CNTN4: variants seen among roughly 807,000 people sequenced by gnomAD.
CNTN4 encodes contactin 4.
In CNTN4, 77 loss-of-function variants were observed where a neutral mutation model predicts 122.5. The observed-to-expected ratio is 0.63, with a 90% confidence interval of 0.52 to 0.76. CNTN4 has a LOEUF of 0.76. Ranked by LOEUF, CNTN4 falls within the 30% of genes least tolerant of loss-of-function variation. The pLI is 0.00. For synonymous variants in CNTN4, 512 were observed against 447.0 expected, an observed-to-expected ratio of 1.15 and a Z score of -1.83; for missense variants, 1,256 against 1,259.1, an observed-to-expected ratio of 1.00 and a Z score of 0.04.
In CNTN4 at chr3:2,561,401, G is replaced by A. The variant is rs993048041; in HGVS notation, c.-88-10015G>A. On this transcript the variant is annotated intron_variant, in intron 3 of 24. Transcript: ENST00000418658. ...AAGTTTACTTCCCAGTACCCAGAAAGCATGGGAAAGAGCAGGGTTTCTGGG... is the reference window on the plus strand; with the variant it reads ...AAGTTTACTTCCCAGTACCCAGAAAACATGGGAAAGAGCAGGGTTTCTGGG... Among the ~76,000 whole-genome samples, 4 of 152,148 alleles carry A rather than the reference G, an allele frequency of 2.6e-5. No homozygotes were observed. The East Asian group carries it at 7.7e-4, about 29-fold the overall frequency.
At chr3:2,611,832 A>G (rs2081503924) in intron 4 of CNTN4, among the ~76,000 whole-genome samples, 1 of 152,172 alleles carries the variant, frequency 6.6e-6, no homozygotes, top group Non-Finnish European at 1.5e-5. Flanking sequence ...GCCCTGTGGC[A>G]TCTCTTATAC....
chr3:2,356,930 A>G (rs2044898393), intron 3 of CNTN4, among the ~76,000 whole-genome samples: 1 of 152,232 alleles, frequency 6.6e-6, no homozygotes, highest in Non-Finnish European at 1.5e-5. Context: ...ATACTGTTAA[A>G]GACTAGCACT....
At chr3:2,176,823 A>G (rs1163738791) in intron 2 of CNTN4, among the ~76,000 whole-genome samples, 1 of 152,238 alleles carries the variant, frequency 6.6e-6, no homozygotes, top group Non-Finnish European at 1.5e-5. Context: ...AAGTAATGCA[A>G]GAAATAAACA....
intron 2 of CNTN4, among the ~76,000 whole-genome samples, chr3:2,328,425 AAC>A (rs2043568533): frequency 6.6e-6 from 1 of 152,172 alleles, no homozygotes; most frequent in African/African-American, 2.4e-5. Context: ...AAAAATAAAA[AAC>A]ACAGTTTTCC....
intron 3 of CNTN4, among the ~76,000 whole-genome samples, chr3:2,357,315 T>A (rs192658923): frequency 6.6e-6 from 1 of 152,348 alleles, no homozygotes; most frequent in Admixed American, 6.5e-5. Flanking sequence ...TTAGGTGGGT[T>A]ACTTGCTTAA....
rs532507036 is a variant in CNTN4 at position 2,916,768 on chromosome 3, T to C, written c.1208-8861T>C. ...GGCAGAGGGGCTCCTCACTTCCCAG[T>C]AGGGGCGGCCGGGCAGAGGGGCCCC... On this transcript the variant is annotated intron_variant, in intron 12 of 24. Coordinates refer to ENST00000418658, the MANE Select transcript of CNTN4 (RefSeq NM_175607.3). Among the ~76,000 whole-genome samples, 9 of 142,108 alleles carry C rather than the reference T, an allele frequency of 6.3e-5. 1 individual carries two copies. Among genetic ancestry groups the C allele is most frequent in the East Asian group, 4.0e-4 (2 of 4,958 alleles). The allele number at this position is 142,108 out of a possible 152,430, so 93.2% of individuals were successfully genotyped here.
At position 2,401,718 on chromosome 3, in the gene CNTN4, G is replaced by A. The variant is rs115713364; in HGVS notation, c.-89+62485G>A. Among the ~76,000 whole-genome samples the A allele has an allele frequency of 4.9e-3, 740 of 152,162 alleles. 4 individuals are homozygous for A. The highest frequency in any genetic ancestry group is 0.017 in the African/African-American group (716 of 41,520). On this transcript the variant is annotated intron_variant, in intron 3 of 24. Transcript: ENST00000418658. ...GTTTGAAGTTTTCATCAGGGATTCC[G>A]AATCTGTTGTTTCTATAGCTAATAA...
chr3:2,156,476 C>T (rs1372142022), intron 2 of CNTN4, among the ~76,000 whole-genome samples: 1 of 152,210 alleles, frequency 6.6e-6, no homozygotes. Context: ...GATCGGATTC[C>T]TGTCCACTCC....
intron 6 of CNTN4, among the ~76,000 whole-genome samples, chr3:2,767,178 T>G (rs2090899937): frequency 6.6e-6 from 1 of 152,228 alleles, no homozygotes; most frequent in Admixed American, 6.5e-5. Context: ...AAAGGCAACC[T>G]TGAAAGTCTT....
At chr3:2,957,536 G>A (rs185490108) in intron 13 of CNTN4, among the ~76,000 whole-genome samples, 35 of 152,104 alleles carry the variant, frequency 2.3e-4, no homozygotes, top group Admixed American at 1.5e-3. Flanking sequence ...AGATGACCCC[G>A]TCACGCATGT....
At chr3:2,843,847 A>C (rs1016462911) in intron 7 of CNTN4, among the ~76,000 whole-genome samples, 1 of 152,190 alleles carries the variant, frequency 6.6e-6, no homozygotes, top group Non-Finnish European at 1.5e-5. Flanking sequence ...TCTTCATAGC[A>C]ATACAGGAAA....
At chr3:2,881,489 G>T (rs2093909314) in intron 8 of CNTN4, among the ~76,000 whole-genome samples, 2 of 151,282 alleles carry the variant, frequency 1.3e-5, no homozygotes, top group South Asian at 4.2e-4. Context: ...CTCCAGCCTG[G>T]GCGACAGAGC....
At chr3:2,212,624 T>C (rs1429552584) in intron 2 of CNTN4, among the ~76,000 whole-genome samples, 3 of 152,212 alleles carry the variant, frequency 2.0e-5, no homozygotes, top group African/African-American at 7.2e-5. Flanking sequence ...ATGAGGCTTA[T>C]TACAATTCAA....
chr3:2,547,353 C>T lies in CNTN4; in HGVS notation c.-88-24063C>T, dbSNP rs111411003. 7.5e-3 allele frequency among the ~76,000 whole-genome samples: 1,142 copies of T among 151,698 alleles called. 5 individuals are homozygous for T. Among genetic ancestry groups the T allele is most frequent in the Non-Finnish European group, 0.012 (830 of 67,944 alleles). ...ATCTCTGCACACTGCAACCTCTGTC[C>T]CCTGCATTCAAGCGATTCTTTGGCC... On this transcript the variant is annotated intron_variant, in intron 3 of 24. Transcript: ENST00000418658.
chr3:2,618,716 A>G (rs1428082079), intron 4 of CNTN4, among the ~76,000 whole-genome samples: 1 of 152,166 alleles, frequency 6.6e-6, no homozygotes, highest in Non-Finnish European at 1.5e-5. Flanking sequence ...TTGATTATCA[A>G]TATTGTTCAT....
intron 3 of CNTN4, among the ~76,000 whole-genome samples, chr3:2,513,784 G>A (rs181642531): frequency 3.2e-4 from 49 of 152,108 alleles, no homozygotes; most frequent in Non-Finnish European, 6.5e-4. Flanking sequence ...TAATCTGCAG[G>A]AAAGTGGATT....
At position 2,925,746 on chromosome 3, in the gene CNTN4, A is replaced by T. The variant is rs147696695; in HGVS notation, c.1325A>T (p.Lys442Met). The change falls in exon 13 of 25, where the codon AAG becomes ATG. Residue 442 changes from lysine to methionine, a missense_variant. By Grantham distance (95) the Lys-to-Met change is moderately conservative. Coordinates refer to ENST00000418658, the MANE Select transcript of CNTN4 (RefSeq NM_175607.3). ...TCTCCAAAACCTGTTTACACCTGGA[A>T]GAAAGGAAGGGATATATTAAAAGAA... ...KASPKPVYTW[K>M]KGRDILKENE... 1.5e-5 allele frequency: 24 copies of T among 1,613,874 alleles called. No homozygotes were observed. The East Asian group carries it at 5.3e-4, about 36-fold the overall frequency.
chr3:2,263,746 T>G (rs1001124220), intron 2 of CNTN4, among the ~76,000 whole-genome samples: 5 of 151,072 alleles, frequency 3.3e-5, no homozygotes, highest in African/African-American at 1.2e-4. Flanking sequence ...CTGACTATAT[T>G]TTTGTGCCCT....
intron 4 of CNTN4, among the ~76,000 whole-genome samples, chr3:2,581,035 C>A (rs1353434631): frequency 1.3e-5 from 2 of 152,138 alleles, no homozygotes; most frequent in African/African-American, 4.8e-5. Flanking sequence ...ATACTCTGAA[C>A]CAATGGTTAC....
Sources: gnomAD v4.1 joint callset for allele counts (sites outside exome capture counted in the v4.1 genomes callset) on GRCh38, gnomAD v4.1.1 for gene constraint, MANE v1.5 for transcripts, NCBI Gene and HGNC (gene_info 2026-07-23, HGNC 2026-07-21) for gene names.